Variants in TRAPPC9 observed in about 807,000 individuals in gnomAD.
TRAPPC9 encodes IKK2 binding protein.
A neutral mutation model predicts 124.0 loss-of-function variants in TRAPPC9; 83 were observed. The ratio of observed to expected loss-of-function variants is 0.67; its 90% confidence interval spans 0.56 to 0.80. The LOEUF (loss-of-function observed/expected upper bound fraction) is 0.80. TRAPPC9 is among the 30% of genes least tolerant of loss of function. The probability of loss-of-function intolerance (pLI) is 0.00; values close to 1 mark genes in which losing one functional copy is unlikely to be tolerated. For synonymous variants in TRAPPC9, 638 were observed against 617.5 expected (o/e 1.03, Z -0.49); for missense variants, 1,302 against 1,508.3 (o/e 0.86, Z 2.27).
chr8:140,158,875 C>T (rs190254974), intron 17 of TRAPPC9, among the ~76,000 whole-genome samples: 21 of 152,292 alleles, frequency 1.4e-4, no homozygotes, highest in South Asian at 8.3e-4. Context: ...TTATTTGACA[C>T]GATTTTACAA....
At chr8:140,152,528 T>A (rs1361362901) in intron 17 of TRAPPC9, among the ~76,000 whole-genome samples, 1 of 151,148 alleles carries the variant, frequency 6.6e-6, no homozygotes, top group South Asian at 2.1e-4. Context: ...GCCTGGCTAA[T>A]TTTTTGTATT....
chr8:140,055,954 T>C (rs1233257369), intron 17 of TRAPPC9, among the ~76,000 whole-genome samples: 1 of 152,018 alleles, frequency 6.6e-6, no homozygotes, highest in Non-Finnish European at 1.5e-5. Context: ...GTAATCTCCA[T>C]CTAAACAAAG....
chr8:139,764,517 C>T (rs1268219988), intron 21 of TRAPPC9, among the ~76,000 whole-genome samples: 1 of 152,212 alleles, frequency 6.6e-6, no homozygotes, highest in Non-Finnish European at 1.5e-5. Flanking sequence ...ATTCATTCCC[C>T]TCTAGTGCCG....
chr8:140,260,165 G>T (rs1326909850), intron 15 of TRAPPC9, among the ~76,000 whole-genome samples: 1 of 152,014 alleles, frequency 6.6e-6, no homozygotes, highest in Non-Finnish European at 1.5e-5. Context: ...ATAAAACCAT[G>T]CTAACATTTC....
rs535453144 is a variant in TRAPPC9 at position 140,204,559 on chromosome 8, A to G, written c.2556+16900T>C. 9.9e-5 allele frequency among the ~76,000 whole-genome samples: 15 copies of G among 152,228 alleles called. No individual in the cohort carries two copies. In the South Asian group the frequency reaches 3.1e-3, roughly 32 times the overall value. On this transcript the variant is annotated intron_variant, in intron 17 of 22. Transcript: ENST00000438773. ...AACGGGTGCAGCCCACCAACATGGC[A>G]CATGTATACATATGTAACAAACCTG...
intron 16 of TRAPPC9, among the ~76,000 whole-genome samples, chr8:140,251,299 A>G (rs1313767334): frequency 6.6e-6 from 1 of 152,194 alleles, no homozygotes. Context: ...AGAAGTCAGA[A>G]CCTATGTAAC....
At chr8:140,414,830 C>T (rs2069847707) in intron 5 of TRAPPC9, among the ~76,000 whole-genome samples, 2 of 152,060 alleles carry the variant, frequency 1.3e-5, no homozygotes, top group Admixed American at 1.3e-4. Flanking sequence ...CAACCTCTGC[C>T]TCCCAGGTTC....
chr8:140,394,693 C>T (rs570984044), intron 7 of TRAPPC9, among the ~76,000 whole-genome samples: 82 of 152,278 alleles, frequency 5.4e-4, no homozygotes, highest in African/African-American at 1.9e-3. Context: ...CTTCCCCACA[C>T]TGTCCCTCAC....
chr8:139,786,190 A>G (rs1182942274), intron 21 of TRAPPC9, among the ~76,000 whole-genome samples: 2 of 152,348 alleles, frequency 1.3e-5, no homozygotes, highest in Middle Eastern at 3.4e-3. Flanking sequence ...CCTGGGTGAC[A>G]GAGCGAGACT....
intron 17 of TRAPPC9, among the ~76,000 whole-genome samples, chr8:140,047,540 C>T (rs1841692062): frequency 6.6e-6 from 1 of 152,196 alleles, no homozygotes. Context: ...GAAGAAAACA[C>T]ATCGCGCATG....
At chr8:140,163,584 CAG>C (rs1240488230) in intron 17 of TRAPPC9, among the ~76,000 whole-genome samples, 2 of 152,200 alleles carry the variant, frequency 1.3e-5, no homozygotes, top group Middle Eastern at 3.2e-3. Context: ...ATGGACCAGA[CAG>C]GGGAACGCTG....
chr8:139,960,836 G>A lies in TRAPPC9; in HGVS notation c.2810+27890C>T, dbSNP rs1051471796. Among the ~76,000 whole-genome samples the A allele has an allele frequency of 3.1e-4, 39 of 125,118 alleles. 5 individuals carry two copies. The highest frequency in any genetic ancestry group is 9.1e-4 in the African/African-American group (36 of 39,640). 82.1% of individuals were successfully genotyped at this position (125,118 alleles called of 152,430 possible). A position where few individuals can be genotyped will look rare whatever the true frequency, so the allele number is the denominator to read the frequency against. On this transcript the variant is annotated intron_variant, in intron 19 of 22. Transcript: ENST00000438773. ...GCAGCTGGTGGGGCTCAGCTTGCAT[G>A]GGGGCTCCACAGCAAGTCACAATCT...
intron 17 of TRAPPC9, among the ~76,000 whole-genome samples, chr8:140,037,873 ACCT>A (rs1434714207): frequency 2.8e-5 from 3 of 106,978 alleles, no homozygotes; most frequent in Non-Finnish European, 4.2e-5. Context: ...CCCAACACAC[ACCT>A]CCAACACACA....
chr8:139,919,951 T>C (rs982636086), intron 19 of TRAPPC9, among the ~76,000 whole-genome samples: 2 of 152,256 alleles, frequency 1.3e-5, no homozygotes, highest in Non-Finnish European at 2.9e-5. Flanking sequence ...TTCAACACTC[T>C]TCCAGATTTG....
In TRAPPC9 at chr8:140,257,483, C is replaced by G. The variant is rs1344033511; in HGVS notation, c.2279-4554G>C. 7.0e-6 allele frequency among the ~76,000 whole-genome samples: 1 copy of G among 142,704 alleles called. No homozygotes were observed. The highest frequency in any genetic ancestry group is 1.5e-5 in the Non-Finnish European group (1 of 65,222). The allele number at this position is 142,704 out of a possible 152,430, so 93.6% of individuals were successfully genotyped here. A position where few individuals can be genotyped will look rare whatever the true frequency, so the allele number is the denominator to read the frequency against. On this transcript the variant is annotated intron_variant, in intron 15 of 22. Transcript: ENST00000438773. This position sits in a 1 kb window ranked among gnomAD's most constrained non-coding sequence, Gnocchi z 4.6. ...TGGTTTGAAAAGAAGCCTCCCCAGA[C>G]AGGAGCCCAGGAGTGGGAAAAAGGA... is the stretch of plus-strand genomic sequence containing the variant.
chr8:140,103,548 C>T (rs1300819777), intron 17 of TRAPPC9, among the ~76,000 whole-genome samples: 1 of 152,170 alleles, frequency 6.6e-6, no homozygotes. Context: ...CCTGTAGCCC[C>T]CTCCAACCGC....
intron 15 of TRAPPC9, among the ~76,000 whole-genome samples, chr8:140,273,952 A>G (rs1344142144): frequency 6.6e-6 from 1 of 152,218 alleles, no homozygotes; most frequent in East Asian, 1.9e-4. Flanking sequence ...TGCAGAAACC[A>G]TGCCAAATTA....
intron 19 of TRAPPC9, among the ~76,000 whole-genome samples, chr8:139,952,797 T>C (rs1834726775): frequency 1.3e-5 from 2 of 152,250 alleles, no homozygotes; most frequent in South Asian, 4.1e-4. Context: ...GAGCACTTCC[T>C]CTGCACCAGG....
chr8:139,964,400 C>T (rs1835561436), intron 19 of TRAPPC9, among the ~76,000 whole-genome samples: 1 of 152,034 alleles, frequency 6.6e-6, no homozygotes, highest in Admixed American at 6.6e-5. Flanking sequence ...TGCACTCTCT[C>T]ACAGAGCACT....
Sources: allele counts gnomAD v4.1 joint callset (sites outside exome capture counted in the v4.1 genomes callset), GRCh38; gene constraint gnomAD v4.1.1; non-coding constraint Gnocchi (gnomAD v3.1); transcripts MANE v1.5; gene names NCBI Gene and HGNC (gene_info 2026-07-23, HGNC 2026-07-21).